NCKAP1: variants seen among roughly 807,000 people sequenced by gnomAD.
The protein encoded by NCKAP1 is nck-associated protein 1.
Under a neutral mutation model 151.2 loss-of-function variants are expected in NCKAP1, and 21 were observed. The ratio of observed to expected loss-of-function variants is 0.14; its 90% CI spans 0.10 to 0.20. The LOEUF (loss-of-function observed/expected upper bound fraction) is 0.20, where lower values mean the gene tolerates loss of function less well. Among genes scored for constraint, NCKAP1 ranks in the 10% least tolerant of loss-of-function variants. The pLI is 1.00. For missense variants in NCKAP1, 933 were observed against 1,352.1 expected (o/e 0.69, Z 4.86); for synonymous variants, 484 against 451.8 (o/e 1.07, Z -0.90).
chr2:182,995,891 T>C (rs1028931025), intron 6 of NCKAP1, 53 bp from the exon 7 acceptor site: 207 of 1,457,606 alleles, frequency 1.4e-4, no homozygotes, highest in Non-Finnish European at 1.9e-4. Flanking sequence ...CCTTTTCTGT[T>C]TACATTGCAG....
intron 10 of NCKAP1, among the ~76,000 whole-genome samples, chr2:182,985,434 C>T (rs1239479425): frequency 1.3e-5 from 2 of 151,862 alleles, no homozygotes; most frequent in African/African-American, 4.8e-5. Context: ...ATTTAAAATA[C>T]ACTAATTTCT....
chr2:183,017,439 C>T (rs911959042), intron 2 of NCKAP1, among the ~76,000 whole-genome samples: 4 of 152,116 alleles, frequency 2.6e-5, no homozygotes, highest in African/African-American at 4.8e-5. Flanking sequence ...CAAGAGCTCG[C>T]AACCTAGATC....
At chr2:183,023,781 C>G in intron 2 of NCKAP1, 25 bp downstream of exon 2, 1 of 1,548,010 alleles carries the variant, frequency 6.5e-7, no homozygotes, top group Non-Finnish European at 8.9e-7. Flanking sequence ...TAAAATTAAG[C>G]AATAGAAAAA....
At chr2:182,961,843 G>T (rs1405821305) in intron 18 of NCKAP1, among the ~76,000 whole-genome samples, 3 of 152,094 alleles carry the variant, frequency 2.0e-5, no homozygotes, top group Non-Finnish European at 4.4e-5. Flanking sequence ...AAGTACAGTG[G>T]ATTGAAAATC....
At chr2:182,975,799 G>A (rs1218652911) in intron 15 of NCKAP1, among the ~76,000 whole-genome samples, 1 of 152,158 alleles carries the variant, frequency 6.6e-6, no homozygotes, top group South Asian at 2.1e-4. Context: ...CAGCTATTCA[G>A]GAGGCTGATG....
At chr2:182,950,092 T>C (rs1387364666) in intron 23 of NCKAP1, among the ~76,000 whole-genome samples, 1 of 152,186 alleles carries the variant, frequency 6.6e-6, no homozygotes, top group Non-Finnish European at 1.5e-5. Context: ...AGGCAAGTTA[T>C]GACCATGTCT....
intron 13 of NCKAP1, among the ~76,000 whole-genome samples, 155 bp from the exon 14 acceptor site, chr2:182,979,070 C>G (rs1001483767): frequency 6.6e-6 from 1 of 152,006 alleles, no homozygotes; most frequent in Admixed American, 6.6e-5. Flanking sequence ...CACACCATAA[C>G]ACGAATCTCA....
At chr2:182,996,604 C>A (rs1480876147) in intron 6 of NCKAP1, among the ~76,000 whole-genome samples, 3 of 152,164 alleles carry the variant, frequency 2.0e-5, no homozygotes, top group African/African-American at 7.2e-5. Context: ...ACTACAGGCG[C>A]CCGCCACCAC....
chr2:182,951,159 A>G (rs111990664), intron 23 of NCKAP1, among the ~76,000 whole-genome samples: 1 of 152,116 alleles, frequency 6.6e-6, no homozygotes, highest in Non-Finnish European at 1.5e-5. Flanking sequence ...CCAATGGGTA[A>G]TATTGCCTCT....
At chr2:182,945,327 G>C (rs1697079373) in intron 23 of NCKAP1, among the ~76,000 whole-genome samples, 1 of 152,052 alleles carries the variant, frequency 6.6e-6, no homozygotes, top group Non-Finnish European at 1.5e-5. Flanking sequence ...GGGCCCAGGA[G>C]TTGGAGGCTG....
intron 2 of NCKAP1, among the ~76,000 whole-genome samples, chr2:183,021,509 G>A (rs76896039): frequency 0.055 from 8,441 of 152,216 alleles, 348 homozygotes; most frequent in African/African-American, 0.12. Flanking sequence ...TACTTAGGAG[G>A]CTAAGATGAG....
At position 182,909,871 on chromosome 2, in the gene NCKAP1, C is replaced by T. The variant is rs1376594712; in HGVS notation, c.*15831G>A. 4 of 152,140 alleles carry T rather than the reference C, an allele frequency of 2.6e-5. No homozygotes were observed. The highest frequency in any genetic ancestry group is 2.6e-4 in the Admixed American group (4 of 15,286). 9.4% of individuals were successfully genotyped at this position (152,140 alleles called of 1,614,324 possible). A position where few individuals can be genotyped will look rare whatever the true frequency, so the allele number is the denominator to read the frequency against. The stretch of plus-strand genomic sequence containing the variant: ...TTCCCTGGAATCCATTCTCAGCCAC[C>T]GATTTAGATAAGGGCCAAATAGCCT... On this transcript the variant is annotated 3_prime_UTR_variant, in exon 31 of 31. Coordinates refer to ENST00000361354, the MANE Select transcript of NCKAP1 (RefSeq NM_013436.5).
intron 4 of NCKAP1, 51 bp from the exon 5 acceptor site, chr2:183,002,320 A>T (rs758798476): frequency 8.0e-7 from 1 of 1,243,054 alleles, no homozygotes; most frequent in Non-Finnish European, 1.1e-6. Flanking sequence ...TTAAAATTTT[A>T]AACACACACA....
At chr2:182,961,174 C>A (rs1207378126) in intron 18 of NCKAP1, among the ~76,000 whole-genome samples, 1 of 152,136 alleles carries the variant, frequency 6.6e-6, no homozygotes, top group Non-Finnish European at 1.5e-5. Flanking sequence ...GTCAGTGTGG[C>A]GATTCCTCAA....
intron 14 of NCKAP1, among the ~76,000 whole-genome samples, chr2:182,977,368 T>C (rs1181514049): frequency 6.6e-6 from 1 of 152,122 alleles, no homozygotes; most frequent in East Asian, 1.9e-4. Flanking sequence ...TGCGTGCCTG[T>C]AGTCCCAGCT....
chr2:182,959,635 T>A (rs1697399804), intron 18 of NCKAP1, among the ~76,000 whole-genome samples: 1 of 152,176 alleles, frequency 6.6e-6, no homozygotes. Flanking sequence ...AATATTATAC[T>A]GAATGGGCAA....
At chr2:182,943,627 T>C (rs1269508808) in intron 23 of NCKAP1, among the ~76,000 whole-genome samples, 1 of 151,658 alleles carries the variant, frequency 6.6e-6, no homozygotes, top group Non-Finnish European at 1.5e-5. Flanking sequence ...CACCTTATTC[T>C]ATGTGTCACT....
chr2:183,028,649 AG>A (rs1485915503), intron 1 of NCKAP1, among the ~76,000 whole-genome samples: 2 of 152,206 alleles, frequency 1.3e-5, no homozygotes, highest in African/African-American at 2.4e-5. Context: ...CCTACTGCAT[AG>A]GGTACACTGT....
At chr2:182,993,971 A>G (rs748386475) in intron 8 of NCKAP1, among the ~76,000 whole-genome samples, 8 of 152,204 alleles carry the variant, frequency 5.3e-5, no homozygotes, top group Non-Finnish European at 1.2e-4. Flanking sequence ...TCACTCTACA[A>G]TTATTTCAAC....
Sources: gnomAD v4.1 joint callset for allele counts (sites outside exome capture counted in the v4.1 genomes callset) on GRCh38, gnomAD v4.1.1 for gene constraint, MANE v1.5 for transcripts, NCBI Gene and HGNC (gene_info 2026-07-23, HGNC 2026-07-21) for gene names.